The following HCN1 variants were observed in gnomAD, a reference collection of about 807,000 sequenced individuals.
HCN1 encodes hyperpolarization activated cyclic nucleotide gated potassium channel 1, also known as potassium/sodium hyperpolarization-activated cyclic nucleotide-gated channel 1.
Under a neutral mutation model 78.9 loss-of-function variants are expected in HCN1, and 13 were observed. That is an observed-to-expected ratio of 0.16 (90% CI 0.11 to 0.26). HCN1 has a LOEUF of 0.26. HCN1 is among the 10% of genes least tolerant of loss of function. The pLI, the probability that HCN1 is intolerant of heterozygous loss-of-function variation, is 1.00. For missense variants in HCN1, 810 were observed against 1,154.3 expected, an observed-to-expected ratio of 0.70 and a Z score of 4.32; for synonymous variants, 552 against 455.5, an observed-to-expected ratio of 1.21 and a Z score of -2.70.
intron 2 of HCN1, among the ~76,000 whole-genome samples, chr5:45,568,147 T>C (rs1030264364): frequency 6.6e-6 from 1 of 152,090 alleles, no homozygotes; most frequent in Non-Finnish European, 1.5e-5. Flanking sequence ...TTTGTAATCA[T>C]ATATTTAAAA....
intron 5 of HCN1, among the ~76,000 whole-genome samples, chr5:45,314,651 G>A (rs1461327973): frequency 1.3e-5 from 2 of 152,100 alleles, no homozygotes. Context: ...ACCCATCAGT[G>A]TGCTGTATTC....
At chr5:45,392,236 A>G (rs952882617) in intron 4 of HCN1, among the ~76,000 whole-genome samples, 1 of 152,130 alleles carries the variant, frequency 6.6e-6, no homozygotes, top group Non-Finnish European at 1.5e-5. Flanking sequence ...AGCTTACACA[A>G]ATTTGAAATA....
chr5:45,534,303 C>T (rs944762783), intron 2 of HCN1, among the ~76,000 whole-genome samples: 5 of 144,768 alleles, frequency 3.5e-5, no homozygotes, highest in African/African-American at 5.1e-5. Flanking sequence ...GGCTGAGGCA[C>T]GAGAATCACT....
At chr5:45,411,417 T>A (rs914349786) in intron 3 of HCN1, among the ~76,000 whole-genome samples, 5 of 151,916 alleles carry the variant, frequency 3.3e-5, no homozygotes, top group Non-Finnish European at 7.4e-5. Flanking sequence ...TCAGGCGTAA[T>A]TCCTATTTCT....
chr5:45,459,511 TACAC>T (rs71997654), intron 3 of HCN1, among the ~76,000 whole-genome samples: 37,975 of 150,604 alleles, frequency 0.25, 4,897 homozygotes, highest in East Asian at 0.32. Context: ...ATAAACATAC[TACAC>T]ACACACACAC....
chr5:45,612,695 CAT>C (rs1439675090), intron 2 of HCN1, among the ~76,000 whole-genome samples: 1 of 152,148 alleles, frequency 6.6e-6, no homozygotes, highest in Admixed American at 6.6e-5. Flanking sequence ...GTGAAGAGTA[CAT>C]GTCTCAAAGC....
At chr5:45,297,305 G>A (rs758159401) in intron 6 of HCN1, among the ~76,000 whole-genome samples, 10 of 152,042 alleles carry the variant, frequency 6.6e-5, no homozygotes, top group South Asian at 2.1e-4. Context: ...CACCCTGGGC[G>A]GGCCAGGTGT....
chr5:45,400,348 G>C (rs1739767469), intron 3 of HCN1, among the ~76,000 whole-genome samples: 1 of 146,022 alleles, frequency 6.8e-6, no homozygotes, highest in Non-Finnish European at 1.5e-5. Context: ...ACACACCTGT[G>C]TATACATGCT....
chr5:45,375,130 T>TATA (rs556515010), intron 4 of HCN1, among the ~76,000 whole-genome samples: 5 of 120,024 alleles, frequency 4.2e-5, no homozygotes, highest in Non-Finnish European at 8.2e-5. Flanking sequence ...TTATATATAA[T>TATA]ATATTTTATA....
At chr5:45,663,193 A>G (rs1224754956) in intron 1 of HCN1, among the ~76,000 whole-genome samples, 4 of 117,942 alleles carry the variant, frequency 3.4e-5, no homozygotes, top group Admixed American at 1.9e-4. Flanking sequence ...CCTGAGAAAA[A>G]CAAGCAATGG....
intron 1 of HCN1, among the ~76,000 whole-genome samples, chr5:45,666,735 T>G (rs1271707957): frequency 6.6e-6 from 1 of 152,086 alleles, no homozygotes; most frequent in Non-Finnish European, 1.5e-5. Flanking sequence ...ACACAGTGTA[T>G]GCAACTACAG....
chr5:45,298,466 A>T (rs1033777388), intron 6 of HCN1, among the ~76,000 whole-genome samples: 3 of 151,988 alleles, frequency 2.0e-5, no homozygotes, highest in Admixed American at 2.0e-4. Flanking sequence ...TGGTAACAGG[A>T]AATAAGAAAA....
At chr5:45,593,712 T>C (rs1744433359) in intron 2 of HCN1, among the ~76,000 whole-genome samples, 1 of 151,922 alleles carries the variant, frequency 6.6e-6, no homozygotes, top group African/African-American at 2.4e-5. Context: ...TCTTGCTCTT[T>C]TGCCCAGGCT....
At chr5:45,453,916 A>C (rs1294437471) in intron 3 of HCN1, among the ~76,000 whole-genome samples, 1 of 152,074 alleles carries the variant, frequency 6.6e-6, no homozygotes, top group East Asian at 1.9e-4. Context: ...TTTTTCTTCA[A>C]CTTTATCAGG....
At chr5:45,664,463 T>TAAA (rs1005693251) in intron 1 of HCN1, among the ~76,000 whole-genome samples, 1 of 97,292 alleles carries the variant, frequency 1.0e-5, no homozygotes, top group Non-Finnish European at 2.2e-5. Context: ...ATAATAATAA[T>TAAA]AAAAAAAAGA....
chr5:45,692,163 A>C (rs1383317083), intron 1 of HCN1, among the ~76,000 whole-genome samples: 2 of 152,224 alleles, frequency 1.3e-5, no homozygotes, highest in Non-Finnish European at 2.9e-5. Context: ...AATTGCTTGC[A>C]TAATAAAAAT....
intron 2 of HCN1, among the ~76,000 whole-genome samples, chr5:45,466,063 A>T (rs1454848436): frequency 6.6e-6 from 1 of 152,184 alleles, no homozygotes; most frequent in Non-Finnish European, 1.5e-5. Flanking sequence ...ATATTTGCGA[A>T]TCGTTCATCA....
At chr5:45,354,363 C>T (rs1189631213) in intron 4 of HCN1, among the ~76,000 whole-genome samples, 3 of 151,800 alleles carry the variant, frequency 2.0e-5, no homozygotes, top group Non-Finnish European at 4.4e-5. Flanking sequence ...GCATCGAGTA[C>T]AAATTTTAAT....
intron 2 of HCN1, among the ~76,000 whole-genome samples, chr5:45,536,522 T>G (rs1742972359): frequency 6.6e-6 from 1 of 152,202 alleles, no homozygotes; most frequent in African/African-American, 2.4e-5. Context: ...AATTTTCATT[T>G]CATTCTTTTC....
Sources: allele counts gnomAD v4.1 joint callset (sites outside exome capture counted in the v4.1 genomes callset), GRCh38; gene constraint gnomAD v4.1.1; transcripts MANE v1.5; gene names NCBI Gene and HGNC (gene_info 2026-07-23, HGNC 2026-07-21).